Variants in CSMD3 observed in about 807,000 individuals in gnomAD.
CSMD3 encodes CUB and sushi domain-containing protein 3.
CSMD3 carries 177 observed loss-of-function variants against 435.2 expected under a neutral mutation model. The observed-to-expected ratio is 0.41, with a 90% CI of 0.36 to 0.46. The LOEUF (loss-of-function observed/expected upper bound fraction) is 0.46, where lower values mean the gene tolerates loss of function less well. Ranked by LOEUF, CSMD3 falls within the 20% of genes least tolerant of loss-of-function variation. CSMD3 has a pLI of 0.34. For synonymous variants in CSMD3, 1,656 were observed against 1,520.5 expected, an observed-to-expected ratio of 1.09 and a Z score of -2.07; for missense variants, 4,265 against 4,504.6, an observed-to-expected ratio of 0.95 and a Z score of 1.52.
At chr8:112,806,645 C>T (rs1482607518) in intron 12 of CSMD3, among the ~76,000 whole-genome samples, 1 of 152,104 alleles carries the variant, frequency 6.6e-6, no homozygotes, top group African/African-American at 2.4e-5. Flanking sequence ...GATTGTATTA[C>T]AGGGGTAAGA....
At chr8:113,101,588 T>C (rs1016670978) in intron 4 of CSMD3, among the ~76,000 whole-genome samples, 1 of 152,016 alleles carries the variant, frequency 6.6e-6, no homozygotes, top group Non-Finnish European at 1.5e-5. Flanking sequence ...TCCTGACACA[T>C]GGAAGAGAGA....
At chr8:112,708,735 C>CAAAAA (rs11393725) in intron 13 of CSMD3, among the ~76,000 whole-genome samples, 260 of 140,336 alleles carry the variant, frequency 1.9e-3, no homozygotes, top group African/African-American at 6.7e-3. Context: ...AAAAAACCTA[C>CAAAAA]AAAAAAAAAT....
chr8:112,910,075 G>A (rs940993056), intron 10 of CSMD3, among the ~76,000 whole-genome samples: 2 of 151,730 alleles, frequency 1.3e-5, no homozygotes, highest in African/African-American at 2.4e-5. Context: ...AGTTGTTTTC[G>A]GGATCCTCAG....
chr8:112,430,518 G>A (rs1813545006), intron 32 of CSMD3, among the ~76,000 whole-genome samples: 1 of 151,942 alleles, frequency 6.6e-6, no homozygotes, highest in Non-Finnish European at 1.5e-5. Context: ...TACTAACTGG[G>A]ATCAGGAAGA....
At position 113,192,295 on chromosome 8, in the gene CSMD3, T is replaced by C. The variant is rs1282003125; in HGVS notation, c.515-18379A>G. 8.6e-5 allele frequency among the ~76,000 whole-genome samples: 13 copies of C among 151,742 alleles called. 1 individual carries two copies. The highest frequency in any genetic ancestry group is 1.7e-4 in the African/African-American group (7 of 41,384). On this transcript the variant is annotated intron_variant, in intron 3 of 70. Coordinates refer to ENST00000297405, the MANE Select transcript of CSMD3 (RefSeq NM_198123.2). ...TCTGTTGCTAAAAATCTATGTATCT[T>C]CTTACAGTTCACAGTTGTTGTTTTT...
At chr8:112,634,123 C>A (rs2074591518) in intron 22 of CSMD3, among the ~76,000 whole-genome samples, 1 of 151,604 alleles carries the variant, frequency 6.6e-6, no homozygotes, top group South Asian at 2.1e-4. Flanking sequence ...ATAAAAAGTA[C>A]AAAGAGGTTA....
intron 3 of CSMD3, among the ~76,000 whole-genome samples, chr8:113,269,729 A>G (rs1168228701): frequency 6.6e-6 from 1 of 152,338 alleles, no homozygotes; most frequent in East Asian, 1.9e-4. Context: ...TCCCTATTTA[A>G]CAAATGGTGC....
chr8:113,156,702 A>G (rs2131814665), intron 4 of CSMD3, among the ~76,000 whole-genome samples: 1 of 151,394 alleles, frequency 6.6e-6, no homozygotes, highest in African/African-American at 2.4e-5. Context: ...GGAGTTGGAG[A>G]CCAGCTTGGG....
At chr8:112,393,220 A>G (rs575775769) in intron 35 of CSMD3, among the ~76,000 whole-genome samples, 1 of 151,984 alleles carries the variant, frequency 6.6e-6, no homozygotes, top group Non-Finnish European at 1.5e-5. Context: ...TTAGTCTCTG[A>G]TTTCATCTCC....
At chr8:112,902,814 A>G (rs2082142519) in intron 10 of CSMD3, among the ~76,000 whole-genome samples, 1 of 151,354 alleles carries the variant, frequency 6.6e-6, no homozygotes, top group African/African-American at 2.4e-5. Context: ...ATGGGTTGAT[A>G]GTCAAAGCAT....
intron 3 of CSMD3, among the ~76,000 whole-genome samples, chr8:113,198,915 A>T (rs1304071553): frequency 2.0e-5 from 3 of 151,384 alleles, no homozygotes; most frequent in African/African-American, 7.3e-5. Context: ...AAATTACTTA[A>T]AAAAGCAATC....
chr8:112,478,698 C>A (rs998991672), intron 31 of CSMD3, among the ~76,000 whole-genome samples: 1 of 152,104 alleles, frequency 6.6e-6, no homozygotes, highest in African/African-American at 2.4e-5. Flanking sequence ...GGGGTGGGTC[C>A]GTGGTGAAAC....
At chr8:113,120,484 A>C (rs1476525241) in intron 4 of CSMD3, among the ~76,000 whole-genome samples, 1 of 152,188 alleles carries the variant, frequency 6.6e-6, no homozygotes, top group African/African-American at 2.4e-5. Context: ...GAACAAAGAA[A>C]ATAAAAATTC....
intron 3 of CSMD3, among the ~76,000 whole-genome samples, chr8:113,182,047 A>G (rs2092428724): frequency 6.6e-6 from 1 of 152,066 alleles, no homozygotes; most frequent in Non-Finnish European, 1.5e-5. Context: ...ATCACCAAAT[A>G]ATTATTGAAG....
chr8:113,165,543 G>A (rs1353193997), intron 4 of CSMD3, among the ~76,000 whole-genome samples: 2 of 152,084 alleles, frequency 1.3e-5, no homozygotes, highest in East Asian at 1.9e-4. Context: ...CTCAAAAAGA[G>A]ACTGACGTTT....
At chr8:112,260,501 A>G (rs7834891) in intron 61 of CSMD3, among the ~76,000 whole-genome samples, 3,407 of 152,304 alleles carry the variant, frequency 0.022, 132 homozygotes, top group African/African-American at 0.077. Flanking sequence ...AAATGTAAAT[A>G]CATATTTTAT....
intron 24 of CSMD3, among the ~76,000 whole-genome samples, chr8:112,562,881 A>C (rs1007707402): frequency 6.6e-6 from 1 of 151,642 alleles, no homozygotes; most frequent in African/African-American, 2.4e-5. Context: ...TATTTCTCTA[A>C]CGTATTTAGC....
At chr8:113,258,165 T>G (rs2093398939) in intron 3 of CSMD3, among the ~76,000 whole-genome samples, 1 of 152,218 alleles carries the variant, frequency 6.6e-6, no homozygotes, top group South Asian at 2.1e-4. Flanking sequence ...AAAATAACTA[T>G]TAAAGATTTT....
intron 10 of CSMD3, among the ~76,000 whole-genome samples, chr8:112,863,317 TTATA>T (rs1476124670): frequency 6.6e-6 from 1 of 151,884 alleles, no homozygotes; most frequent in Non-Finnish European, 1.5e-5. Context: ...AATAGTTTTA[TTATA>T]TTATAATTAA....
Sources: gnomAD v4.1 joint callset for allele counts (sites outside exome capture counted in the v4.1 genomes callset) on GRCh38, gnomAD v4.1.1 for gene constraint, MANE v1.5 for transcripts, NCBI Gene and HGNC (gene_info 2026-07-23, HGNC 2026-07-21) for gene names.